SFSWAP: variants seen among roughly 807,000 people sequenced by gnomAD.
SFSWAP encodes splicing factor, suppressor of white-apricot homolog.
SFSWAP carries 17 observed loss-of-function variants against 100.7 expected under a neutral mutation model. That is an observed-to-expected ratio of 0.17 (90% CI 0.12 to 0.25). SFSWAP has a LOEUF of 0.25. SFSWAP is among the 10% of genes least tolerant of loss of function. SFSWAP has a pLI of 1.00. For synonymous variants in SFSWAP, 504 were observed against 510.1 expected (o/e 0.99, Z 0.16); for missense variants, 1,005 against 1,262.6 (o/e 0.80, Z 3.09).
chr12:131,759,241 A>G (rs1882441589), intron 11 of SFSWAP, among the ~76,000 whole-genome samples: 2 of 152,222 alleles, frequency 1.3e-5, no homozygotes, highest in South Asian at 4.1e-4. Flanking sequence ...TTCATGAAGA[A>G]ATCAGGAACC....
intron 7 of SFSWAP, among the ~76,000 whole-genome samples, chr12:131,748,473 A>G (rs1176149207): frequency 1.3e-5 from 2 of 152,106 alleles, no homozygotes; most frequent in Non-Finnish European, 2.9e-5. Context: ...TTTCATTCTT[A>G]ATATACACAT....
intron 14 of SFSWAP, among the ~76,000 whole-genome samples, chr12:131,782,361 G>A (rs2136264489): frequency 6.6e-6 from 1 of 152,250 alleles, no homozygotes; most frequent in Middle Eastern, 3.4e-3. Context: ...GAAATGGGAG[G>A]GGTGGTGATC....
At chr12:131,776,577 A>G (rs902884732) in intron 13 of SFSWAP, among the ~76,000 whole-genome samples, 2 of 152,230 alleles carry the variant, frequency 1.3e-5, no homozygotes, top group Non-Finnish European at 2.9e-5. Context: ...GCCTTGCCAC[A>G]GCGGACCTAA....
At chr12:131,791,130 T>C (rs1885200909) in intron 15 of SFSWAP, among the ~76,000 whole-genome samples, 1 of 152,190 alleles carries the variant, frequency 6.6e-6, no homozygotes, top group Non-Finnish European at 1.5e-5. Flanking sequence ...CGGTGGCTCA[T>C]ACCTGTAATC....
At chr12:131,731,399 C>T (rs763301846) in intron 7 of SFSWAP, among the ~76,000 whole-genome samples, 8 of 152,200 alleles carry the variant, frequency 5.3e-5, no homozygotes, top group Non-Finnish European at 7.3e-5. Flanking sequence ...GTTGAAGTTT[C>T]GTGGGTGAAA....
At position 131,766,800 on chromosome 12, in the gene SFSWAP, CA is replaced by C. The variant is rs1449123606; in HGVS notation, c.2142+493del. Among the ~76,000 whole-genome samples the C allele has an allele frequency of 3.3e-5, 5 of 152,370 alleles. No homozygotes were observed. The East Asian group carries it at 9.6e-4, about 29-fold the overall frequency. On this transcript the variant is annotated intron_variant, in intron 13 of 17. Transcript: ENST00000261674. ...CTCCAGGAGTACATGGCTCCTTCCT[CA>C]GTGGTGTGAGCAGGAATAGGGCCTT...
intron 7 of SFSWAP, among the ~76,000 whole-genome samples, chr12:131,751,585 G>A (rs1031688677): frequency 6.6e-6 from 1 of 152,274 alleles, no homozygotes; most frequent in Non-Finnish European, 1.5e-5. Context: ...CAGGGAGTGG[G>A]TGGAAGCAGC....
At chr12:131,740,173 G>A (rs1338423633) in intron 7 of SFSWAP, among the ~76,000 whole-genome samples, 1 of 152,152 alleles carries the variant, frequency 6.6e-6, no homozygotes, top group Non-Finnish European at 1.5e-5. Flanking sequence ...ATTTGGGTTT[G>A]TTCATTGGTT....
intron 15 of SFSWAP, among the ~76,000 whole-genome samples, chr12:131,791,299 G>C (rs1432472359): frequency 6.6e-6 from 1 of 152,142 alleles, no homozygotes; most frequent in African/African-American, 2.4e-5. Context: ...TGAGGCAGGA[G>C]AATTGCTTGA....
chr12:131,714,415 T>C lies in SFSWAP; in HGVS notation c.388+175T>C. 1.7e-6 allele frequency: 1 copy of C among 574,104 alleles called. No individual in the cohort carries two copies. The highest frequency in any genetic ancestry group is 3.0e-6 in the Non-Finnish European group (1 of 337,018). The allele number at this position is 574,104 out of a possible 1,614,324, so 35.6% of individuals were successfully genotyped here. A position where few individuals can be genotyped will look rare whatever the true frequency, so the allele number is the denominator to read the frequency against. On this transcript the variant is annotated intron_variant, in intron 2 of 17. Coordinates refer to ENST00000261674, the MANE Select transcript of SFSWAP (RefSeq NM_004592.4). This position sits in a 1 kb window ranked among gnomAD's most constrained non-coding sequence, Gnocchi z 6.0. ...TCTGAGAGGACCTCAGGATAGTTTA[T>C]ATATAGAGCCACAAAGAATTTTCCC...
intron 9 of SFSWAP, 126 bp downstream of exon 9, chr12:131,754,625 GTCTTTT>G: frequency 7.5e-6 from 1 of 133,120 alleles, no homozygotes; most frequent in African/African-American, 3.4e-5. Flanking sequence ...TGGCTCAAAT[GTCTTTT>G]TTTTTTTTTT....
intron 15 of SFSWAP, 150 bp downstream of exon 15, chr12:131,786,738 A>G: frequency 2.5e-6 from 2 of 788,938 alleles, no homozygotes; most frequent in Non-Finnish European, 3.9e-6. Flanking sequence ...CCCCAGTGGC[A>G]TGGCCATCAC....
chr12:131,751,475 C>A (rs1881621446), intron 7 of SFSWAP, among the ~76,000 whole-genome samples: 1 of 152,212 alleles, frequency 6.6e-6, no homozygotes, highest in African/African-American at 2.4e-5. Context: ...CTGGCCCTCC[C>A]CAGAGCTAAG....
chr12:131,748,533 T>C (rs550834222), intron 7 of SFSWAP, among the ~76,000 whole-genome samples: 1 of 152,290 alleles, frequency 6.6e-6, no homozygotes, highest in South Asian at 2.1e-4. Context: ...TGCTCACCAA[T>C]CTCCTCTCTA....
chr12:131,773,945 G>A (rs984895424), intron 13 of SFSWAP, among the ~76,000 whole-genome samples: 2 of 152,188 alleles, frequency 1.3e-5, no homozygotes, highest in East Asian at 1.9e-4. Context: ...GAGGGCCCAC[G>A]AGGGCCAAAG....
chr12:131,794,751 G>A lies in SFSWAP; in HGVS notation c.2535-2427G>A, dbSNP rs1325350033. On this transcript the variant is annotated intron_variant, in intron 15 of 17. Coordinates refer to ENST00000261674, the MANE Select transcript of SFSWAP (RefSeq NM_004592.4). The surrounding 1 kb of genome is among the most constrained non-coding windows in gnomAD (Gnocchi z 4.8). Reference sequence around the variant, plus strand: ...ATAAGGCCCAGGTGTCAGGGTGTGCGCACTTGCCAAGCTCAGCGGCAGCAC... The same window carrying A: ...ATAAGGCCCAGGTGTCAGGGTGTGCACACTTGCCAAGCTCAGCGGCAGCAC... 1.3e-5 allele frequency among the ~76,000 whole-genome samples: 2 copies of A among 152,180 alleles called. No individual in the cohort carries two copies. The highest frequency in any genetic ancestry group is 1.9e-4 in the East Asian group (1 of 5,184).
chr12:131,764,634 T>A lies in SFSWAP; in HGVS notation c.1899T>A (p.Val633=). The part of the protein sequence containing the change: ...TNPAVAPPCV[V]VEEKKPQLTQ... ...CAGCAGTTGCCCCACCCTGTGTAGT[T>A]GTTGAGGAGAAGAAGCCTCAACTTA... The change falls in exon 12 of 18, where the codon GTT becomes GTA. Residue 633 remains valine (V), a synonymous_variant. Coordinates refer to ENST00000261674, the MANE Select transcript of SFSWAP (RefSeq NM_004592.4). The A allele has an allele frequency of 1.2e-6, 2 of 1,614,218 alleles. No homozygotes were observed. The highest frequency in any genetic ancestry group is 4.5e-5 in the East Asian group (2 of 44,886).
In SFSWAP at chr12:131,786,581, C is replaced by T. The variant is rs369175720; in HGVS notation, c.2527C>T (p.Arg843Cys). Residue 843 changes from arginine (R) to cysteine (C), a missense_variant, in exon 15 of 18, where the codon CGC becomes TGC. Coordinates refer to ENST00000261674, the MANE Select transcript of SFSWAP (RefSeq NM_004592.4). ...CCCTGGGGCCAGTAGGAAGCGGACC[C>T]GCTCCAGGTAGGCCACTGGGTGTGC... ...RSPGASRKRT[R>C]SRSPHEKKKK... 106 of 1,589,576 alleles carry T rather than the reference C, an allele frequency of 6.7e-5. No homozygotes were observed. The highest frequency in any genetic ancestry group is 8.6e-5 in the Non-Finnish European group (100 of 1,169,372).
intron 11 of SFSWAP, chr12:131,757,459 A>G (rs536001269): frequency 6.6e-6 from 1 of 152,332 alleles, no homozygotes; most frequent in East Asian, 1.9e-4. Flanking sequence ...GAATAACTTT[A>G]TCCAGTCTGG....
Sources: allele counts gnomAD v4.1 joint callset (sites outside exome capture counted in the v4.1 genomes callset), GRCh38; gene constraint gnomAD v4.1.1; non-coding constraint Gnocchi (gnomAD v3.1); transcripts MANE v1.5; gene names NCBI Gene and HGNC (gene_info 2026-07-23, HGNC 2026-07-21).